Variants in PTPRD observed in about 807,000 individuals in gnomAD.
PTPRD encodes receptor-type tyrosine-protein phosphatase delta.
PTPRD carries 34 observed loss-of-function variants against 214.5 expected under a neutral mutation model. That is an observed-to-expected ratio of 0.16 (90% confidence interval 0.12 to 0.21). The LOEUF is 0.21. Among genes scored for constraint, PTPRD ranks in the 10% least tolerant of loss-of-function variants. The pLI, the probability that PTPRD is intolerant of heterozygous loss-of-function variation, is 1.00. For synonymous variants in PTPRD, 1,128 were observed against 845.7 expected, an observed-to-expected ratio of 1.33 and a Z score of -5.79; for missense variants, 2,545 against 2,398.7, an observed-to-expected ratio of 1.06 and a Z score of -1.27.
chr9:9,521,787 T>A (rs901490001), intron 8 of PTPRD, among the ~76,000 whole-genome samples: 10 of 152,216 alleles, frequency 6.6e-5, no homozygotes, highest in African/African-American at 2.4e-4. Context: ...ATTGCTATTC[T>A]GTGGTACTAA....
intron 35 of PTPRD, among the ~76,000 whole-genome samples, chr9:8,432,393 A>T (rs2095113468): frequency 6.6e-6 from 1 of 152,216 alleles, no homozygotes; most frequent in Non-Finnish European, 1.5e-5. Flanking sequence ...CAGTACAGGA[A>T]GTGTCTCATA....
chr9:8,990,955 C>G (rs1308056734), intron 11 of PTPRD, among the ~76,000 whole-genome samples: 1 of 152,008 alleles, frequency 6.6e-6, no homozygotes, highest in Non-Finnish European at 1.5e-5. Context: ...TGGCTCATGT[C>G]TGTAGTCCCA....
At chr9:8,551,006 T>G (rs915277345) in intron 14 of PTPRD, among the ~76,000 whole-genome samples, 1 of 152,232 alleles carries the variant, frequency 6.6e-6, no homozygotes, top group Admixed American at 6.5e-5. Context: ...TGTGGTTGAA[T>G]AGATTTCACT....
chr9:9,823,737 G>C (rs1339965897), intron 5 of PTPRD, among the ~76,000 whole-genome samples: 2 of 151,938 alleles, frequency 1.3e-5, no homozygotes, highest in East Asian at 1.9e-4. Flanking sequence ...AATTATAGTG[G>C]GTGATAAAGA....
intron 2 of PTPRD, among the ~76,000 whole-genome samples, chr9:10,420,804 A>G (rs1288589874): frequency 6.6e-6 from 1 of 151,904 alleles, no homozygotes; most frequent in Admixed American, 6.6e-5. Flanking sequence ...TAGATATTTC[A>G]GTGTGCTTTT....
intron 3 of PTPRD, among the ~76,000 whole-genome samples, chr9:10,213,477 C>T (rs2099526298): frequency 6.6e-6 from 1 of 152,036 alleles, no homozygotes; most frequent in Admixed American, 6.6e-5. Context: ...ACTTCAGGTC[C>T]TAAGAGATGG....
At chr9:9,355,016 G>T (rs2053195191) in intron 9 of PTPRD, among the ~76,000 whole-genome samples, 1 of 151,726 alleles carries the variant, frequency 6.6e-6, no homozygotes, top group African/African-American at 2.4e-5. Context: ...CCATTGTAGA[G>T]TATGGATGAA....
At chr9:10,192,445 G>GAAA (rs552289562) in intron 3 of PTPRD, among the ~76,000 whole-genome samples, 10 of 72,652 alleles carry the variant, frequency 1.4e-4, no homozygotes, top group Admixed American at 1.6e-4. Context: ...CACGATCCAG[G>GAAA]AAAAAAAAAA....
rs2099343078 is a variant in PTPRD, at chr9:8,986,003, GC to G, written c.-104+32693del. ...TGTTCATCAAATATTAGCTATAAAA[GC>G]TTTTTTACAGTAGTTGATTTAAATT... On this transcript the variant is annotated intron_variant, in intron 11 of 45. Coordinates refer to ENST00000381196, the MANE Select transcript of PTPRD (RefSeq NM_002839.4). 1.3e-5 allele frequency among the ~76,000 whole-genome samples: 2 copies of G among 151,872 alleles called. 1 individual carries two copies. Among genetic ancestry groups the G allele is most frequent in the South Asian group, 4.2e-4 (2 of 4,816 alleles).
intron 27 of PTPRD, among the ~76,000 whole-genome samples, chr9:8,491,238 A>C (rs1435792838): frequency 6.6e-6 from 1 of 152,254 alleles, no homozygotes; most frequent in Non-Finnish European, 1.5e-5. Flanking sequence ...TAAAATTGTG[A>C]ATGAAAATTC....
chr9:9,952,503 A>G (rs755418084), intron 4 of PTPRD, among the ~76,000 whole-genome samples: 3 of 152,184 alleles, frequency 2.0e-5, no homozygotes, highest in Non-Finnish European at 4.4e-5. Flanking sequence ...GAAGGCCAAC[A>G]TCGTTCATTG....
chr9:9,256,268 C>A (rs970735414), intron 9 of PTPRD, among the ~76,000 whole-genome samples: 13 of 151,898 alleles, frequency 8.6e-5, no homozygotes. Flanking sequence ...GGCTTTTAGC[C>A]TCTGTGGTTG....
At chr9:8,577,040 A>C (rs1169047845) in intron 14 of PTPRD, among the ~76,000 whole-genome samples, 1 of 152,064 alleles carries the variant, frequency 6.6e-6, no homozygotes, top group Non-Finnish European at 1.5e-5. Context: ...AAAACAGCAA[A>C]TATATTACTA....
chr9:9,470,225 T>C (rs2094496836), intron 8 of PTPRD, among the ~76,000 whole-genome samples: 1 of 152,178 alleles, frequency 6.6e-6, no homozygotes, highest in Non-Finnish European at 1.5e-5. Flanking sequence ...TGGTCACTTC[T>C]AGGATTTTCT....
chr9:9,072,758 G>C (rs1278827254), intron 10 of PTPRD, among the ~76,000 whole-genome samples: 1 of 152,126 alleles, frequency 6.6e-6, no homozygotes, highest in South Asian at 2.1e-4. Flanking sequence ...GTGATCTTAA[G>C]TTATTTAGCC....
chr9:8,891,322 C>T (rs986168561), intron 11 of PTPRD, among the ~76,000 whole-genome samples: 1 of 151,634 alleles, frequency 6.6e-6, no homozygotes, highest in Non-Finnish European at 1.5e-5. Flanking sequence ...TTAGTAGAGA[C>T]GGAGTTTCAC....
chr9:8,699,272 G>C (rs1032638403), intron 12 of PTPRD, among the ~76,000 whole-genome samples: 1 of 152,158 alleles, frequency 6.6e-6, no homozygotes, highest in African/African-American at 2.4e-5. Context: ...ATTAAATCAA[G>C]TTTCTGGTTT....
At chr9:9,540,485 T>G (rs1010340481) in intron 8 of PTPRD, among the ~76,000 whole-genome samples, 6 of 151,650 alleles carry the variant, frequency 4.0e-5, no homozygotes, top group African/African-American at 7.3e-5. Flanking sequence ...CTGAGTGAAA[T>G]AGGAGTACCA....
At chr9:9,212,634 G>A (rs532871144) in intron 9 of PTPRD, among the ~76,000 whole-genome samples, 2 of 152,228 alleles carry the variant, frequency 1.3e-5, no homozygotes, top group African/African-American at 2.4e-5. Flanking sequence ...CAAGAAACCC[G>A]GCATGTTGAG....
Sources: allele counts gnomAD v4.1 joint callset (sites outside exome capture counted in the v4.1 genomes callset), GRCh38; gene constraint gnomAD v4.1.1; transcripts MANE v1.5; gene names NCBI Gene and HGNC (gene_info 2026-07-23, HGNC 2026-07-21).